The following SEPTIN14 variants were observed in gnomAD, a reference collection of about 807,000 sequenced individuals.
SEPTIN14 encodes septin 14.
In SEPTIN14, 40 loss-of-function variants were observed where a neutral mutation model predicts 53.6. That is an observed-to-expected ratio of 0.75 (90% CI 0.58 to 0.97). The LOEUF (loss-of-function observed/expected upper bound fraction) is 0.97, where lower values mean the gene tolerates loss of function less well. Among genes scored for constraint, SEPTIN14 ranks in the 50% least tolerant of loss-of-function variants. The probability of loss-of-function intolerance (pLI) is 0.00; values close to 1 mark genes in which losing one functional copy is unlikely to be tolerated. For synonymous variants in SEPTIN14, 138 were observed against 166.8 expected, an observed-to-expected ratio of 0.83 and a Z score of 1.33; for missense variants, 471 against 508.2, an observed-to-expected ratio of 0.93 and a Z score of 0.70.
At chr7:55,840,515 C>T (rs775184823) in intron 5 of SEPTIN14, among the ~76,000 whole-genome samples, 6 of 151,800 alleles carry the variant, frequency 4.0e-5, no homozygotes, top group Non-Finnish European at 7.4e-5. Context: ...AATGTGGACA[C>T]CCCGGAGACA....
At chr7:55,810,901 C>T in intron 7 of SEPTIN14, 1 of 350,068 alleles carries the variant, frequency 2.9e-6, no homozygotes. Context: ...TCCAATAAGC[C>T]CAAAACTAGG....
intron 7 of SEPTIN14, among the ~76,000 whole-genome samples, chr7:55,812,403 T>G (rs1021007822): frequency 2.0e-5 from 3 of 151,812 alleles, no homozygotes; most frequent in Non-Finnish European, 4.4e-5. Context: ...AAATAGAGAG[T>G]AGACAGGTGG....
chr7:55,851,612 A>G (rs1294175342), intron 2 of SEPTIN14, among the ~76,000 whole-genome samples: 1 of 152,228 alleles, frequency 6.6e-6, no homozygotes, highest in Non-Finnish European at 1.5e-5. Context: ...TTCCACGTGT[A>G]TGGACTGAAA....
intron 5 of SEPTIN14, among the ~76,000 whole-genome samples, chr7:55,838,169 A>G (rs1789242865): frequency 6.6e-6 from 1 of 152,194 alleles, no homozygotes; most frequent in Admixed American, 6.6e-5. Flanking sequence ...TGCTGAAGCC[A>G]TGGGGCTTAA....
chr7:55,831,959 T>C (rs1297727959), intron 6 of SEPTIN14, among the ~76,000 whole-genome samples: 1 of 152,104 alleles, frequency 6.6e-6, no homozygotes, highest in Admixed American at 6.6e-5. Flanking sequence ...CCCAGCACTT[T>C]GGGAGGCCAA....
rs1222010478 is a variant in SEPTIN14, at chr7:55,855,781, T to TCACCCCGTGATCCACC, written c.54+6161_54+6162insGGTGGATCACGGGGTG. Among the ~76,000 whole-genome samples the TCACCCCGTGATCCACC allele has an allele frequency of 9.9e-5, 15 of 152,074 alleles. No homozygotes were observed. In the South Asian group the frequency reaches 3.1e-3, roughly 32 times the overall value. ...GTTGGCCAGGTTGGTCTTGAACGCC[T>TCACCCCGTGATCCACC]CACCTCGTGATCCACCCACCTCGCC... On this transcript the variant is annotated intron_variant, in intron 2 of 9. Transcript: ENST00000388975.
chr7:55,850,128 G>A (rs1394101503), intron 2 of SEPTIN14, among the ~76,000 whole-genome samples: 1 of 152,116 alleles, frequency 6.6e-6, no homozygotes, highest in African/African-American at 2.4e-5. Context: ...AACAGAAGAG[G>A]GGGTAGTTTT....
chr7:55,816,228 G>C (rs779450124), intron 7 of SEPTIN14, among the ~76,000 whole-genome samples: 72 of 152,064 alleles, frequency 4.7e-4, no homozygotes, highest in Admixed American at 1.7e-3. Flanking sequence ...GAGAAGTGGG[G>C]ATAGTTGATG....
chr7:55,797,511 A>C (rs1788450854), intron 9 of SEPTIN14, among the ~76,000 whole-genome samples: 2 of 152,240 alleles, frequency 1.3e-5, no homozygotes, highest in African/African-American at 4.8e-5. Flanking sequence ...ATACATTCAA[A>C]GTGCTGAAAG....
At chr7:55,852,431 G>C (rs1055592352) in intron 2 of SEPTIN14, among the ~76,000 whole-genome samples, 2 of 152,144 alleles carry the variant, frequency 1.3e-5, no homozygotes, top group Admixed American at 6.6e-5. Context: ...ATAGCATACA[G>C]TGGGGAAAGA....
chr7:55,853,758 C>T (rs547850495), intron 2 of SEPTIN14, among the ~76,000 whole-genome samples: 8 of 152,118 alleles, frequency 5.3e-5, no homozygotes, highest in South Asian at 2.1e-4. Flanking sequence ...ACACATTGTG[C>T]GCCTATAACA....
intron 6 of SEPTIN14, among the ~76,000 whole-genome samples, chr7:55,828,732 T>A (rs1789035660): frequency 6.6e-6 from 1 of 152,122 alleles, no homozygotes; most frequent in Non-Finnish European, 1.5e-5. Context: ...CCTTTATAGG[T>A]GATTTGAAAA....
intron 6 of SEPTIN14, among the ~76,000 whole-genome samples, chr7:55,830,036 G>A (rs2116020372): frequency 6.6e-6 from 1 of 150,520 alleles, no homozygotes; most frequent in East Asian, 2.0e-4. Flanking sequence ...AAATTAGCCG[G>A]GCGTGGTGGC....
chr7:55,805,744 A>G (rs970160642), intron 8 of SEPTIN14, among the ~76,000 whole-genome samples: 9 of 152,172 alleles, frequency 5.9e-5, no homozygotes, highest in Non-Finnish European at 1.3e-4. Flanking sequence ...GAATTTTCCA[A>G]CACTTATATG....
At chr7:55,811,080 C>T (rs935091439) in intron 7 of SEPTIN14, 4 of 461,646 alleles carry the variant, frequency 8.7e-6, no homozygotes, top group African/African-American at 4.1e-5. Context: ...TATCACCTTT[C>T]GTGTTTCAGC....
intron 6 of SEPTIN14, among the ~76,000 whole-genome samples, chr7:55,822,569 A>C (rs562173799): frequency 6.6e-6 from 1 of 151,426 alleles, no homozygotes; most frequent in Non-Finnish European, 1.5e-5. Context: ...TCAATAGAGC[A>C]GAGCAGAGAG....
chr7:55,805,451 A>G, intron 8 of SEPTIN14, 61 bp from the exon 9 acceptor site: 2 of 1,299,106 alleles, frequency 1.5e-6, no homozygotes, highest in Non-Finnish European at 2.1e-6. Flanking sequence ...GCTTGAACCC[A>G]GGAGGCGGAG....
intron 7 of SEPTIN14, among the ~76,000 whole-genome samples, chr7:55,818,487 A>AAG (rs1333373733): frequency 5.3e-5 from 8 of 151,862 alleles, no homozygotes; most frequent in African/African-American, 1.9e-4. Context: ...AAAAAAAAAA[A>AAG]AAAAAAATCA....
chr7:55,802,800 A>C (rs2115955568), intron 9 of SEPTIN14, among the ~76,000 whole-genome samples: 1 of 152,276 alleles, frequency 6.6e-6, no homozygotes, highest in South Asian at 2.1e-4. Flanking sequence ...AAATCAACAG[A>C]CTAAAGAAAC....
Sources: allele counts gnomAD v4.1 joint callset (sites outside exome capture counted in the v4.1 genomes callset), GRCh38; gene constraint gnomAD v4.1.1; transcripts MANE v1.5; gene names NCBI Gene and HGNC (gene_info 2026-07-23, HGNC 2026-07-21).